SECISBP2: variants seen among roughly 807,000 people sequenced by gnomAD.
The protein encoded by SECISBP2 is selenocysteine insertion sequence-binding protein 2.
In SECISBP2, 96 loss-of-function variants were observed where a neutral mutation model predicts 98.2. The ratio of observed to expected loss-of-function variants is 0.98; its 90% CI spans 0.83 to 1.16. The LOEUF (loss-of-function observed/expected upper bound fraction) is 1.16, where lower values mean the gene tolerates loss of function less well. SECISBP2 is among the 50% of genes most tolerant of loss of function. The pLI, the probability that SECISBP2 is intolerant of heterozygous loss-of-function variation, is 0.00. For missense variants in SECISBP2, 1,046 were observed against 1,022.9 expected (o/e 1.02, Z -0.31); for synonymous variants, 407 against 370.2 (o/e 1.10, Z -1.14).
At chr9:89,340,354 T>G (rs1419369570) in intron 9 of SECISBP2, among the ~76,000 whole-genome samples, 5 of 152,168 alleles carry the variant, frequency 3.3e-5, no homozygotes, top group African/African-American at 7.2e-5. Context: ...AGTTTTACTC[T>G]GTGAAGTCAA....
At chr9:89,364,180 T>G, downstream of SECISBP2, 3 of 812,254 alleles carry the variant, frequency 3.7e-6, no homozygotes, top group Non-Finnish European at 5.6e-6. Flanking sequence ...TTAATTGCCA[T>G]TTTTCAAAGC....
Position 89,332,852 on chromosome 9 carries a change from A to G in SECISBP2, c.802-56A>G, listed in dbSNP as rs1827982099. The G allele has an allele frequency of 1.3e-5, 17 of 1,350,772 alleles. No individual in the cohort carries two copies. In the East Asian group the frequency reaches 3.9e-4, roughly 31 times the overall value. 83.7% of individuals were successfully genotyped at this position (1,350,772 alleles called of 1,614,324 possible). On this transcript the variant is annotated intron_variant, in intron 5 of 16. Transcript: ENST00000375807. ...GTTCTGGATTTTGATATGTAGTGTT[A>G]TCTCCTTGTTTTAATTTGCATTTCT...
At chr9:89,356,047 C>T (rs1202486672) in intron 14 of SECISBP2, among the ~76,000 whole-genome samples, 2 of 152,158 alleles carry the variant, frequency 1.3e-5, no homozygotes, top group African/African-American at 4.8e-5. Flanking sequence ...TTAAAGCAGG[C>T]GTCCCCAACC....
intron 7 of SECISBP2, among the ~76,000 whole-genome samples, chr9:89,337,745 C>G (rs969546595): frequency 1.3e-5 from 2 of 152,298 alleles, no homozygotes; most frequent in African/African-American, 4.8e-5. Context: ...AGTTCCCTGC[C>G]CTTTTAGAGC....
rs561089839 is a variant in SECISBP2, at chr9:89,359,082, G to A, written c.*258G>A. ...AGCTCTGGCTTTCTGAGCACACTACGGATCTGGAAAATACTGGAAAATGTG... is the reference window on the plus strand; with the variant it reads ...AGCTCTGGCTTTCTGAGCACACTACAGATCTGGAAAATACTGGAAAATGTG... On this transcript the variant is annotated 3_prime_UTR_variant, in exon 17 of 17. Transcript: ENST00000375807. 4.6e-5 allele frequency: 23 copies of A among 495,074 alleles called. No homozygotes were observed. Among genetic ancestry groups the A allele is most frequent in the South Asian group, 3.4e-4 (16 of 47,100 alleles). 30.7% of individuals were successfully genotyped at this position (495,074 alleles called of 1,614,324 possible). A position where few individuals can be genotyped will look rare whatever the true frequency, so the allele number is the denominator to read the frequency against.
chr9:89,318,990 A>G (rs901108340), intron 1 of SECISBP2: 11 of 1,064,066 alleles, frequency 1.0e-5, no homozygotes, highest in Admixed American at 1.1e-4. Flanking sequence ...TCTCCGCTCT[A>G]CGTACTCAGC....
At position 89,339,869 on chromosome 9, in the gene SECISBP2, C is replaced by A. The variant is rs759932472; in HGVS notation, c.1218C>A (p.Ala406=). ...GGGGTGTGTGGTTTACTTAGGATGC[C>A]GAGGAATTTCCCAACCTGGCAGTTG... ...TVQEPPRIED[A]EEFPNLAVAS... is the part of the protein sequence containing the mutation. Residue 406 remains alanine (A), a synonymous_variant, in exon 9 of 17, where the codon GCC becomes GCA. Coordinates refer to ENST00000375807, the MANE Select transcript of SECISBP2 (RefSeq NM_024077.5). 6.2e-7 allele frequency: 1 copy of A among 1,612,634 alleles called. No homozygotes were observed. The highest frequency in any genetic ancestry group is 1.1e-5 in the South Asian group (1 of 91,036).
At chr9:89,335,230 G>T (rs1456118395) in intron 7 of SECISBP2, among the ~76,000 whole-genome samples, 1 of 150,060 alleles carries the variant, frequency 6.7e-6, no homozygotes, top group Non-Finnish European at 1.5e-5. Flanking sequence ...AAAAAAAAAA[G>T]TTAAGATGGT....
intron 2 of SECISBP2, among the ~76,000 whole-genome samples, chr9:89,321,242 CCA>C (rs1276253163): frequency 6.6e-6 from 1 of 152,172 alleles, no homozygotes; most frequent in African/African-American, 2.4e-5. Flanking sequence ...GAGCTCAAAG[CCA>C]TCTGCTAGGT....
rs899863325 is a variant in SECISBP2 at position 89,342,170 on chromosome 9, G to A, written c.1435+691G>A. Reference sequence around the variant, plus strand: ...AGAAGTACACAAGTGGTCAATAAGTGCGTGAAAAGATACTCAATATCATTA... The same window carrying A: ...AGAAGTACACAAGTGGTCAATAAGTACGTGAAAAGATACTCAATATCATTA... On this transcript the variant is annotated intron_variant, in intron 10 of 16. Coordinates refer to ENST00000375807, the MANE Select transcript of SECISBP2 (RefSeq NM_024077.5). Among the ~76,000 whole-genome samples the A allele has an allele frequency of 7.2e-5, 11 of 152,186 alleles. No homozygotes were observed. In the South Asian group the frequency reaches 8.3e-4, roughly 11 times the overall value.
chr9:89,364,160 C>T (rs372191761), downstream of SECISBP2: 5 of 979,664 alleles, frequency 5.1e-6, no homozygotes, highest in African/African-American at 3.3e-5. Flanking sequence ...GGACTTCCTG[C>T]TCTTTGACCT....
At chr9:89,360,160 C>CTGTT (rs1244861539), downstream of SECISBP2, among the ~76,000 whole-genome samples, 2 of 152,158 alleles carry the variant, frequency 1.3e-5, no homozygotes, top group Admixed American at 6.5e-5. Flanking sequence ...ACGTTCTGAG[C>CTGTT]TGTTTAGACA....
the SECISBP2 span, chr9:89,365,553 A>G: frequency 6.6e-6 from 1 of 152,288 alleles, no homozygotes; most frequent in Non-Finnish European, 1.5e-5. Context: ...GATTTGCCCT[A>G]GATGTCCATC....
intron 7 of SECISBP2, among the ~76,000 whole-genome samples, chr9:89,336,579 G>A (rs1828753222): frequency 6.6e-6 from 1 of 151,930 alleles, no homozygotes; most frequent in Admixed American, 6.6e-5. Context: ...GACAATTACT[G>A]TGAAGGTAGA....
Position 89,357,259 on chromosome 9 carries a change from A to G in SECISBP2, c.2114-152A>G. 7 of 797,860 alleles carry G rather than the reference A, an allele frequency of 8.8e-6. 1 individual carries two copies. In the South Asian group the frequency reaches 1.0e-4, roughly 12 times the overall value. 49.4% of individuals were successfully genotyped at this position (797,860 alleles called of 1,614,324 possible). On this transcript the variant is annotated intron_variant, in intron 14 of 16. Coordinates refer to ENST00000375807, the MANE Select transcript of SECISBP2 (RefSeq NM_024077.5). The stretch of plus-strand genomic sequence containing the variant: ...CATATTTTTGGAGAGTTGATTCTGC[A>G]ACTTGCTTTCTCCTTGTATTTTCAG...
Position 89,358,461 on chromosome 9 carries a change from A to G in SECISBP2, c.2462-260A>G, listed in dbSNP as rs75115089. Among the ~76,000 whole-genome samples the G allele has an allele frequency of 7.0e-3, 1,051 of 150,832 alleles. 15 individuals are homozygous for G. Among genetic ancestry groups the G allele is most frequent in the African/African-American group, 0.024 (996 of 41,048 alleles). ...CCAAGACAGGCTTGGAAGGCCAAGT[A>G]AAGGTTCAGTCCTCTCCTAGCCTAC... is the stretch of plus-strand genomic sequence containing the variant. On this transcript the variant is annotated intron_variant, in intron 16 of 16. Coordinates refer to ENST00000375807, the MANE Select transcript of SECISBP2 (RefSeq NM_024077.5).
chr9:89,345,584 T>G (rs1220902902), intron 10 of SECISBP2, among the ~76,000 whole-genome samples: 1 of 152,200 alleles, frequency 6.6e-6, no homozygotes, highest in Non-Finnish European at 1.5e-5. Context: ...GTTGTTTTTG[T>G]GGGAGGGAAT....
intron 2 of SECISBP2, among the ~76,000 whole-genome samples, chr9:89,320,569 A>G (rs1351625639): frequency 6.6e-6 from 1 of 152,062 alleles, no homozygotes; most frequent in Non-Finnish European, 1.5e-5. Context: ...TGTGTGGATA[A>G]TTTTTTGGAA....
At chr9:89,329,459 CT>C (rs942713899) in intron 5 of SECISBP2, 13 of 150,034 alleles carry the variant, frequency 8.7e-5, no homozygotes, top group East Asian at 2.0e-4. Context: ...CCTAGTATAC[CT>C]TTTTTTTTGT....
Sources: allele counts gnomAD v4.1 joint callset (sites outside exome capture counted in the v4.1 genomes callset), GRCh38; gene constraint gnomAD v4.1.1; transcripts MANE v1.5; gene names NCBI Gene and HGNC (gene_info 2026-07-23, HGNC 2026-07-21).